The following TSHZ2 variants were observed in gnomAD, a reference collection of about 807,000 sequenced individuals.
TSHZ2 encodes the protein teashirt homolog 2.
A neutral mutation model predicts 74.4 loss-of-function variants in TSHZ2; 21 were observed. The observed-to-expected ratio is 0.28, with a 90% confidence interval of 0.20 to 0.41. The LOEUF (loss-of-function observed/expected upper bound fraction) is 0.41. Among genes scored for constraint, TSHZ2 ranks in the 10% least tolerant of loss-of-function variants. TSHZ2 has a pLI of 1.00. For synonymous variants in TSHZ2, 540 were observed against 515.3 expected (o/e 1.05, Z -0.65); for missense variants, 1,244 against 1,293.5 (o/e 0.96, Z 0.59).
intron 2 of TSHZ2, among the ~76,000 whole-genome samples, chr20:53,479,540 A>G (rs968235431): frequency 6.6e-5 from 10 of 152,218 alleles, no homozygotes; most frequent in African/African-American, 2.2e-4. Context: ...AAAATGGCAA[A>G]TAACTCCCAT....
At chr20:53,099,042 GTGGTCCTACA>G (rs1164945827) in intron 1 of TSHZ2, among the ~76,000 whole-genome samples, 7 of 152,134 alleles carry the variant, frequency 4.6e-5, no homozygotes, top group African/African-American at 1.7e-4. Flanking sequence ...ATGCCATCTT[GTGGTCCTACA>G]TATAATTCTA....
chr20:52,979,282 C>G (rs955452770), intron 1 of TSHZ2, among the ~76,000 whole-genome samples: 1 of 151,878 alleles, frequency 6.6e-6, no homozygotes, highest in African/African-American at 2.4e-5. Context: ...TTTCAAGATA[C>G]ATCAGATTTT....
At chr20:53,045,656 C>T (rs1159791714) in intron 1 of TSHZ2, among the ~76,000 whole-genome samples, 1 of 152,202 alleles carries the variant, frequency 6.6e-6, no homozygotes, top group Non-Finnish European at 1.5e-5. Context: ...ACAGTTCACC[C>T]ATGGAGTCAG....
intron 2 of TSHZ2, among the ~76,000 whole-genome samples, chr20:53,292,232 G>C (rs2145460379): frequency 6.6e-6 from 1 of 152,262 alleles, no homozygotes; most frequent in South Asian, 2.1e-4. Context: ...TGGTGAACTG[G>C]TAATCCTGAC....
chr20:53,428,727 C>G (rs1296793523), intron 2 of TSHZ2, among the ~76,000 whole-genome samples: 1 of 152,192 alleles, frequency 6.6e-6, no homozygotes, highest in African/African-American at 2.4e-5. Flanking sequence ...TGCTGACTTT[C>G]CACATGACCT....
intron 1 of TSHZ2, among the ~76,000 whole-genome samples, chr20:53,137,219 TGCTA>T (rs1444405467): frequency 6.6e-6 from 1 of 152,042 alleles, no homozygotes; most frequent in Non-Finnish European, 1.5e-5. Context: ...CCAAGAAAAC[TGCTA>T]ACAGAAATTT....
At chr20:52,995,063 C>G (rs1982131086) in intron 1 of TSHZ2, among the ~76,000 whole-genome samples, 1 of 152,148 alleles carries the variant, frequency 6.6e-6, no homozygotes, top group Non-Finnish European at 1.5e-5. Context: ...CACTCTAAAG[C>G]CACAACAAGT....
At chr20:53,182,225 C>A (rs1988494517) in intron 1 of TSHZ2, among the ~76,000 whole-genome samples, 3 of 149,228 alleles carry the variant, frequency 2.0e-5, no homozygotes, top group South Asian at 2.2e-4. Context: ...CTCCTTCCCT[C>A]TTGACTCCCT....
In TSHZ2 at chr20:53,181,749, G is replaced by A. The variant is rs142870541; in HGVS notation, c.41-71750G>A. The stretch of plus-strand genomic sequence containing the variant: ...CAAAAATACAAAAAATTAGCCGGGC[G>A]TGGTGGTGGGCGCCTGTAGTCCCAG... On this transcript the variant is annotated intron_variant, in intron 1 of 2. Coordinates refer to ENST00000371497, the MANE Select transcript of TSHZ2 (RefSeq NM_173485.6). Among the ~76,000 whole-genome samples the A allele has an allele frequency of 4.6e-3, 701 of 152,194 alleles. 2 individuals are homozygous for A. Among genetic ancestry groups the A allele is most frequent in the Non-Finnish European group, 8.1e-3 (554 of 68,000 alleles).
In TSHZ2 at chr20:53,362,492, T is replaced by A. The variant is rs189149920; in HGVS notation, c.*8+105921T>A. Among the ~76,000 whole-genome samples the A allele has an allele frequency of 8.3e-4, 127 of 152,278 alleles. 3 individuals are homozygous for A. Among genetic ancestry groups the A allele is most frequent in the Admixed American group, 8.1e-3 (124 of 15,290 alleles). ...AGCCACCGTGCCCGGCCCACACAGTTTTTATATGCTCTGAACTGTATAGAA... is the reference window on the plus strand; with the variant it reads ...AGCCACCGTGCCCGGCCCACACAGTATTTATATGCTCTGAACTGTATAGAA... On this transcript the variant is annotated intron_variant, in intron 2 of 2. Transcript: ENST00000371497.
intron 2 of TSHZ2, among the ~76,000 whole-genome samples, chr20:53,464,301 T>G (rs1457307086): frequency 6.6e-6 from 1 of 152,168 alleles, no homozygotes; most frequent in Non-Finnish European, 1.5e-5. Context: ...AGAGGAAATC[T>G]GAGGACCTCA....
At chr20:53,031,967 AAG>A (rs887148180) in intron 1 of TSHZ2, among the ~76,000 whole-genome samples, 5 of 152,140 alleles carry the variant, frequency 3.3e-5, no homozygotes, top group African/African-American at 1.2e-4. Flanking sequence ...GGAAGATAGG[AAG>A]AGAGAAAGAA....
In TSHZ2 at chr20:53,364,950, C is replaced by T. The variant is rs548435254; in HGVS notation, c.*8+108379C>T. 8.5e-5 allele frequency among the ~76,000 whole-genome samples: 13 copies of T among 152,344 alleles called. No individual in the cohort carries two copies. The South Asian group carries it at 2.1e-3, about 24-fold the overall frequency. On this transcript the variant is annotated intron_variant, in intron 2 of 2. Coordinates refer to ENST00000371497, the MANE Select transcript of TSHZ2 (RefSeq NM_173485.6). ...TGGCCCTGGTTTTAGAAACGAGATG[C>T]TCCTTGTAACGCGTGGAGGCACTAA...
intron 2 of TSHZ2, among the ~76,000 whole-genome samples, chr20:53,260,947 G>A (rs1453824591): frequency 2.0e-5 from 3 of 152,164 alleles, no homozygotes; most frequent in African/African-American, 7.2e-5. Context: ...TGAAACTACC[G>A]TTGACTGGCC....
Position 53,254,009 on chromosome 20 carries a change from G to C in TSHZ2, c.551G>C (p.Arg184Pro), listed in dbSNP as rs149724132. The C allele has an allele frequency of 2.5e-6, 4 of 1,613,998 alleles. No individual in the cohort carries two copies. The African/African-American group carries it at 4.0e-5, about 16-fold the overall frequency. ...AGCCTGCAGCAGAACTTGCCTTCTCGGTCCGTCTCGAAACCCAGCCTGTTC... is the reference window on the plus strand; with the variant it reads ...AGCCTGCAGCAGAACTTGCCTTCTCCGTCCGTCTCGAAACCCAGCCTGTTC... ...SKSLQQNLPS[R>P]SVSKPSLFSS... is the part of the protein sequence containing the mutation. Residue 184 changes from arginine (R) to proline (P), a missense_variant, in exon 2 of 3, where the codon CGG becomes CCG. Physicochemically the swap from Arg to Pro is moderately radical, Grantham distance 103 (BLOSUM62 -2). This residue lies in a region of TSHZ2 where 470 missense variants were observed against 456.5 expected (regional missense o/e 1.03). Transcript: ENST00000371497.
At chr20:53,070,852 G>A (rs758694511) in intron 1 of TSHZ2, among the ~76,000 whole-genome samples, 70 of 152,302 alleles carry the variant, frequency 4.6e-4, no homozygotes, top group Non-Finnish European at 4.4e-4. Context: ...ACATGTGGGC[G>A]TGTTCTTCAA....
intron 1 of TSHZ2, among the ~76,000 whole-genome samples, chr20:53,202,949 T>C (rs1989044002): frequency 6.6e-6 from 1 of 152,200 alleles, no homozygotes. Context: ...TTGGCTACCA[T>C]GGCTATGTAC....
At chr20:53,018,683 G>T (rs952949589) in intron 1 of TSHZ2, among the ~76,000 whole-genome samples, 10 of 152,168 alleles carry the variant, frequency 6.6e-5, no homozygotes, top group Non-Finnish European at 1.5e-4. Flanking sequence ...CATATGCTGT[G>T]CTTCCCGTAG....
chr20:53,452,686 G>T (rs948279060), intron 2 of TSHZ2, among the ~76,000 whole-genome samples: 5 of 151,826 alleles, frequency 3.3e-5, no homozygotes, highest in African/African-American at 4.8e-5. Context: ...TGCAAAATGG[G>T]GTTATATATC....
Sources: allele counts gnomAD v4.1 joint callset (sites outside exome capture counted in the v4.1 genomes callset), GRCh38; gene constraint gnomAD v4.1.1; regional missense constraint gnomAD v4.1.1; transcripts MANE v1.5; gene names NCBI Gene and HGNC (gene_info 2026-07-23, HGNC 2026-07-21).